Variants in NAV3 observed in about 807,000 individuals in gnomAD.
NAV3 encodes pore membrane and/or filament interacting like protein 1.
A neutral mutation model predicts 244.7 loss-of-function variants in NAV3; 87 were observed. The ratio of observed to expected loss-of-function variants is 0.36; its 90% CI spans 0.30 to 0.42. The LOEUF (loss-of-function observed/expected upper bound fraction) is 0.42, where lower values mean the gene tolerates loss of function less well. Ranked by LOEUF, NAV3 falls within the 20% of genes least tolerant of loss-of-function variation. The pLI is 1.00. For missense variants in NAV3, 2,663 were observed against 2,893.3 expected, an observed-to-expected ratio of 0.92 and a Z score of 1.83; for synonymous variants, 1,126 against 1,042.2, an observed-to-expected ratio of 1.08 and a Z score of -1.55.
intron 3 of NAV3, among the ~76,000 whole-genome samples, chr12:77,963,864 C>A (rs1293830890): frequency 1.1e-4 from 9 of 82,364 alleles, no homozygotes; most frequent in African/African-American, 4.4e-4. Flanking sequence ...TCCCTCCCTC[C>A]CTCCCTCCTT....
intron 11 of NAV3, among the ~76,000 whole-genome samples, chr12:78,056,791 C>G (rs1883580592): frequency 6.6e-6 from 1 of 152,080 alleles, no homozygotes; most frequent in Non-Finnish European, 1.5e-5. Context: ...ACTCTCTTTT[C>G]AAAATGTTTA....
intron 1 of NAV3, among the ~76,000 whole-genome samples, chr12:77,897,389 A>G (rs1423202926): frequency 6.6e-6 from 1 of 152,212 alleles, no homozygotes; most frequent in African/African-American, 2.4e-5. Context: ...ATAGCTTTGA[A>G]TATTGACTGG....
intron 2 of NAV3, among the ~76,000 whole-genome samples, chr12:77,620,607 G>A (rs1342597649): frequency 1.3e-5 from 2 of 152,100 alleles, no homozygotes; most frequent in East Asian, 3.9e-4. Flanking sequence ...GATTACAGGA[G>A]CATGCCAACA....
At chr12:77,856,397 C>T (rs1878400808) in intron 1 of NAV3, among the ~76,000 whole-genome samples, 1 of 152,028 alleles carries the variant, frequency 6.6e-6, no homozygotes, top group Non-Finnish European at 1.5e-5. Flanking sequence ...GGCTGTTGGG[C>T]CCCAAGGAGT....
intron 2 of NAV3, among the ~76,000 whole-genome samples, chr12:77,584,527 C>T (rs1404342815): frequency 6.6e-6 from 1 of 151,890 alleles, no homozygotes; most frequent in Non-Finnish European, 1.5e-5. Flanking sequence ...ACCTTTATTT[C>T]TTCCTATGAG....
At chr12:77,896,781 C>A (rs1884676384) in intron 1 of NAV3, among the ~76,000 whole-genome samples, 1 of 152,128 alleles carries the variant, frequency 6.6e-6, no homozygotes. Context: ...CTGCTCAATG[C>A]CAGCTGTCCT....
rs746817165 is a variant in NAV3 at position 78,204,990 on chromosome 12, A to G, written c.6890A>G (p.Tyr2297Cys). 6.2e-7 allele frequency: 1 copy of G among 1,613,598 alleles called. No homozygotes were observed. The highest frequency in any genetic ancestry group is 8.5e-7 in the Non-Finnish European group (1 of 1,179,762). Residue 2297 changes from tyrosine to cysteine, a missense_variant, in exon 39 of 40, where the codon TAT becomes TGT. This residue lies in a region of NAV3 where 543 missense variants were observed against 672.4 expected (regional missense o/e 0.81). Transcript: ENST00000397909. Reference protein sequence around the residue: ...EDPSKWVLDTYPWSSATLPQE... With the variant: ...EDPSKWVLDTCPWSSATLPQE... ...CCTTCAAAGTGGGTGCTTGACACAT[A>G]TCCATGGAGCTCAGCAACTCTGCCT...
At chr12:77,659,457 A>C (rs1398950704) in intron 2 of NAV3, among the ~76,000 whole-genome samples, 1 of 152,176 alleles carries the variant, frequency 6.6e-6, no homozygotes, top group East Asian at 1.9e-4. Flanking sequence ...AAGTCAAGAA[A>C]CAACAGGTGC....
intron 11 of NAV3, among the ~76,000 whole-genome samples, chr12:78,058,303 G>A (rs1320672552): frequency 6.6e-6 from 1 of 152,054 alleles, no homozygotes; most frequent in Non-Finnish European, 1.5e-5. Context: ...GAAAGTCAAG[G>A]GACATATTAC....
At chr12:78,176,182 G>T (rs1407747765) in intron 25 of NAV3, among the ~76,000 whole-genome samples, 1 of 151,720 alleles carries the variant, frequency 6.6e-6, no homozygotes, top group Non-Finnish European at 1.5e-5. Context: ...GGAAGATACT[G>T]TTACTGCGAA....
At chr12:78,094,973 G>A (rs538707990) in intron 12 of NAV3, among the ~76,000 whole-genome samples, 1 of 151,414 alleles carries the variant, frequency 6.6e-6, no homozygotes, top group East Asian at 1.9e-4. Flanking sequence ...CTTGAACCCA[G>A]GAGGCGAGGG....
chr12:78,101,835 A>G (rs1348764463), intron 12 of NAV3, among the ~76,000 whole-genome samples: 2 of 152,146 alleles, frequency 1.3e-5, no homozygotes, highest in African/African-American at 4.8e-5. Context: ...TGATACTAAA[A>G]CCCAAAGCCT....
chr12:78,168,740 CTGTT>C lies in NAV3; in HGVS notation c.4870-13_4870-10del. The C allele has an allele frequency of 6.4e-7, 1 of 1,556,676 alleles. No individual in the cohort carries two copies. Among genetic ancestry groups the C allele is most frequent in the Non-Finnish European group, 8.8e-7 (1 of 1,138,426 alleles). On this transcript the variant is annotated splice_polypyrimidine_tract_variant and intron_variant, in intron 23 of 39. Transcript: ENST00000397909. ...TTTCGGGTACTAAAGCTTCCAAACT[CTGTT>C]TATTCCACAGGAATCTGAACTTATA...
intron 7 of NAV3, among the ~76,000 whole-genome samples, chr12:78,000,793 G>A (rs548473309): frequency 1.3e-4 from 19 of 150,606 alleles, no homozygotes; most frequent in Non-Finnish European, 2.2e-4. Context: ...GTGAGCCACC[G>A]CGCCCGGCCA....
chr12:77,798,202 C>CA (rs1199437077), intron 2 of NAV3, among the ~76,000 whole-genome samples: 28 of 151,246 alleles, frequency 1.9e-4, no homozygotes, highest in Middle Eastern at 6.9e-3. Flanking sequence ...ACAACAACAA[C>CA]AAAAAAACCC....
chr12:78,087,106 A>G (rs1390125198), intron 12 of NAV3, among the ~76,000 whole-genome samples: 1 of 151,998 alleles, frequency 6.6e-6, no homozygotes, highest in Non-Finnish European at 1.5e-5. Flanking sequence ...AGAGCTGATT[A>G]AAATCCAGAC....
At chr12:77,714,246 C>G (rs1262840748) in intron 2 of NAV3, among the ~76,000 whole-genome samples, 1 of 152,042 alleles carries the variant, frequency 6.6e-6, no homozygotes, top group Admixed American at 6.6e-5. Flanking sequence ...GAAGAAATAT[C>G]CAAAATAGCT....
intron 39 of NAV3, among the ~76,000 whole-genome samples, chr12:78,209,805 A>G (rs1282264758): frequency 1.2e-4 from 19 of 152,182 alleles, no homozygotes; most frequent in Admixed American, 1.2e-3. Flanking sequence ...CCAGAAATTT[A>G]ACAACACAAA....
intron 1 of NAV3, among the ~76,000 whole-genome samples, chr12:77,925,928 G>A (rs1428074563): frequency 1.3e-5 from 2 of 152,090 alleles, no homozygotes; most frequent in Admixed American, 6.6e-5. Context: ...CTCTAGTGGG[G>A]ATCAACAGAA....
Sources: gnomAD v4.1 joint callset for allele counts (sites outside exome capture counted in the v4.1 genomes callset) on GRCh38, gnomAD v4.1.1 for gene constraint, gnomAD v4.1.1 regional missense constraint, MANE v1.5 for transcripts, NCBI Gene and HGNC (gene_info 2026-07-23, HGNC 2026-07-21) for gene names.